DLX1: variants seen among roughly 807,000 people sequenced by gnomAD.
The protein encoded by DLX1 is homeobox protein DLX-1.
In DLX1, 7 loss-of-function variants were observed where a neutral mutation model predicts 25.0. The ratio of observed to expected loss-of-function variants is 0.28; its 90% CI spans 0.16 to 0.52. DLX1 has a LOEUF of 0.52. Among genes scored for constraint, DLX1 ranks in the 20% least tolerant of loss-of-function variants. The pLI is 0.96. For missense variants in DLX1, 233 were observed against 334.4 expected, an observed-to-expected ratio of 0.70 and a Z score of 2.37; for synonymous variants, 155 against 140.3, an observed-to-expected ratio of 1.10 and a Z score of -0.74.
chr2:172,087,194 T>G, intron 2 of DLX1: 1 of 509,186 alleles, frequency 2.0e-6, no homozygotes, highest in South Asian at 1.7e-5. Flanking sequence ...TAATCCCTCC[T>G]TTGCCTTTAA....
At position 172,089,396 on chromosome 2, in the gene DLX1, A is replaced by G. The variant is rs1207519882; in HGVS notation, c.*1139A>G. ...TATTATTGTTATTATTATTATTGTTATTATTGTTGTTCTGTAAACATGTTG... is the reference window on the plus strand; with the variant it reads ...TATTATTGTTATTATTATTATTGTTGTTATTGTTGTTCTGTAAACATGTTG... On this transcript the variant is annotated 3_prime_UTR_variant, in exon 3 of 3. Coordinates refer to ENST00000361725, the MANE Select transcript of DLX1 (RefSeq NM_178120.5). 2 of 152,532 alleles carry G rather than the reference A, an allele frequency of 1.3e-5. No homozygotes were observed. Among genetic ancestry groups the G allele is most frequent in the African/African-American group, 4.8e-5 (2 of 41,412 alleles). The allele number at this position is 152,532 out of a possible 1,614,324, so 9.4% of individuals were successfully genotyped here.
intron 2 of DLX1, chr2:172,087,179 G>T: frequency 1.8e-6 from 1 of 566,180 alleles, no homozygotes; most frequent in Non-Finnish European, 3.4e-6. Flanking sequence ...AATAGACTCC[G>T]GGCTTAATCC....
chr2:172,085,777 C>T lies in DLX1; in HGVS notation c.100C>T (p.Pro34Ser), dbSNP rs752675263. 1.5e-4 allele frequency: 245 copies of T among 1,614,092 alleles called. 2 individuals are homozygous for T. In the South Asian group the frequency reaches 2.6e-3, roughly 17 times the overall value. The change falls in exon 1 of 3, where the codon CCC becomes TCC. Residue 34 changes from proline (P) to serine (S), a missense_variant. Physicochemically the swap from Pro to Ser is moderately conservative, Grantham distance 74 (BLOSUM62 -1). This residue lies in a region of DLX1 where 126 missense variants were observed against 170.4 expected (regional missense o/e 0.74). Transcript: ENST00000361725. The surrounding 1 kb of genome is among the most constrained non-coding windows in gnomAD (Gnocchi z 4.3). ...GCCCAACCAGCAAATGTCTCCTTCTCCCATGTCCCACGGGCACTACTCCAT... is the reference window on the plus strand; with the variant it reads ...GCCCAACCAGCAAATGTCTCCTTCTTCCATGTCCCACGGGCACTACTCCAT... ...GPPNQQMSPS[P>S]MSHGHYSMHC...
chr2:172,088,304 C>T lies in DLX1; in HGVS notation c.*47C>T, dbSNP rs1690903167. The T allele has an allele frequency of 7.1e-7, 1 of 1,415,896 alleles. No homozygotes were observed. The highest frequency in any genetic ancestry group is 1.9e-4 in the Middle Eastern group (1 of 5,262). 87.7% of individuals were successfully genotyped at this position (1,415,896 alleles called of 1,614,324 possible). ...TTGTCTCCCCGGCCCAGGTCCCTCC[C>T]GCCTCCAGGTCCATCCATCCCGTCC... is the stretch of plus-strand genomic sequence containing the variant. On this transcript the variant is annotated 3_prime_UTR_variant, in exon 3 of 3. Coordinates refer to ENST00000361725, the MANE Select transcript of DLX1 (RefSeq NM_178120.5).
chr2:172,086,597 C>A, intron 1 of DLX1, 57 bp from the exon 2 acceptor site: 2 of 1,474,998 alleles, frequency 1.4e-6, no homozygotes, highest in Non-Finnish European at 1.8e-6. Flanking sequence ...CTCGGCTGTT[C>A]GCACTAAAGG....
Position 172,085,761 on chromosome 2 carries a change from G to A in DLX1, c.84G>A (p.Gln28=), listed in dbSNP as rs1332768409. The change falls in exon 1 of 3, where the codon CAG becomes CAA. Residue 28 remains glutamine, a synonymous_variant. Transcript: ENST00000361725. The surrounding 1 kb of genome is among the most constrained non-coding windows in gnomAD (Gnocchi z 4.3). ...TTATGGAGTTTGGGCCGCCCAACCA[G>A]CAAATGTCTCCTTCTCCCATGTCCC... ...AVFMEFGPPN[Q]QMSPSPMSHG... The A allele has an allele frequency of 1.9e-6, 3 of 1,614,032 alleles. No homozygotes were observed. Among genetic ancestry groups the A allele is most frequent in the South Asian group, 2.2e-5 (2 of 91,090 alleles).
chr2:172,086,564 C>T (rs1690842479), intron 1 of DLX1, 90 bp from the exon 2 acceptor site: 2 of 1,301,702 alleles, frequency 1.5e-6, no homozygotes, highest in South Asian at 2.9e-5. Context: ...GCTGCCTCCG[C>T]CACCCTTCGG....
At chr2:172,086,591 G>A in intron 1 of DLX1, 63 bp from the exon 2 acceptor site, 1 of 1,460,658 alleles carries the variant, frequency 6.8e-7, no homozygotes, top group Non-Finnish European at 9.2e-7. Context: ...CTCGCTCTCG[G>A]CTGTTCGCAC....
chr2:172,085,620 G>T lies in DLX1; in HGVS notation c.-58G>T. ...TCCTTCCTGTCCTGAGAAACATAGA[G>T]ACCCCCAAAAGGGAAGCAGAGGAGA... On this transcript the variant is annotated 5_prime_UTR_variant, in exon 1 of 3. Transcript: ENST00000361725. The surrounding 1 kb of genome is among the most constrained non-coding windows in gnomAD (Gnocchi z 4.3). 6.5e-7 allele frequency: 1 copy of T among 1,538,724 alleles called. No individual in the cohort carries two copies. Among genetic ancestry groups the T allele is most frequent in the South Asian group, 1.3e-5 (1 of 79,580 alleles).
At position 172,089,463 on chromosome 2, in the gene DLX1, A is replaced by AAACC. The variant is rs1454473976; in HGVS notation, c.*1207_*1210dup. 1.3e-5 allele frequency: 2 copies of AAACC among 152,632 alleles called. No homozygotes were observed. The highest frequency in any genetic ancestry group is 6.5e-5 in the Admixed American group (1 of 15,276). The allele number at this position is 152,632 out of a possible 1,614,324, so 9.5% of individuals were successfully genotyped here. On this transcript the variant is annotated 3_prime_UTR_variant, in exon 3 of 3. Coordinates refer to ENST00000361725, the MANE Select transcript of DLX1 (RefSeq NM_178120.5). Reference sequence around the variant, plus strand: ...TTGCGTTCTGTTGTGTGTGGCTGTAAAACCCCATGCTTTGTGAAATGAGAA... The same window carrying AAACC: ...TTGCGTTCTGTTGTGTGTGGCTGTAAAACCAACCCCATGCTTTGTGAAATGAGAA...
At chr2:172,086,053 CG>C in intron 1 of DLX1, 63 bp downstream of exon 1, 1 of 1,109,720 alleles carries the variant, frequency 9.0e-7, no homozygotes. Flanking sequence ...AAAGAAGGAG[CG>C]GGGGAGAAGA....
In DLX1 at chr2:172,086,869, C is replaced by T; in HGVS notation, c.513+16C>T. ...ACAGACTCAGGTACCTCGCCGCTGC[C>T]GCTCCGTTCTGCCACGCAGGCTTTC... On this transcript the variant is annotated intron_variant, in intron 2 of 2. Coordinates refer to ENST00000361725, the MANE Select transcript of DLX1 (RefSeq NM_178120.5). 6.2e-7 allele frequency: 1 copy of T among 1,614,066 alleles called. No homozygotes were observed. Among genetic ancestry groups the T allele is most frequent in the Non-Finnish European group, 8.5e-7 (1 of 1,179,910 alleles).
chr2:172,085,767 G>A lies in DLX1; in HGVS notation c.90G>A (p.Met30Ile), dbSNP rs1270557986. 1.9e-6 allele frequency: 3 copies of A among 1,614,076 alleles called. No homozygotes were observed. The highest frequency in any genetic ancestry group is 2.5e-6 in the Non-Finnish European group (3 of 1,180,054). Reference sequence around the variant, plus strand: ...AGTTTGGGCCGCCCAACCAGCAAATGTCTCCTTCTCCCATGTCCCACGGGC... The same window carrying A: ...AGTTTGGGCCGCCCAACCAGCAAATATCTCCTTCTCCCATGTCCCACGGGC... ...FMEFGPPNQQ[M>I]SPSPMSHGHY... Residue 30 changes from methionine (M) to isoleucine (I), a missense_variant, in exon 1 of 3, where the codon ATG becomes ATA. Met to Ile is a conservative substitution (Grantham distance 10, BLOSUM62 1). Around this residue, in one of 3 missense-constraint regions of DLX1, gnomAD observed 126 missense variants for 170.4 expected, o/e 0.74. Transcript: ENST00000361725. This position sits in a 1 kb window ranked among gnomAD's most constrained non-coding sequence, Gnocchi z 4.3.
chr2:172,086,924 T>G (rs763640075), intron 2 of DLX1, 71 bp downstream of exon 2: 1 of 1,507,830 alleles, frequency 6.6e-7, no homozygotes, highest in Admixed American at 1.7e-5. Flanking sequence ...GGTCTTCATT[T>G]GTTGCTCGCT....
Position 172,088,044 on chromosome 2 carries a change from G to A in DLX1, c.555G>A (p.Lys185=). The part of the protein sequence containing the change: ...WFQNKRSKFK[K]LMKQGGAALE... ...AAAACAAGCGATCCAAGTTCAAGAA[G>A]CTGATGAAGCAGGGTGGGGCGGCTC... Residue 185 remains lysine (K), a synonymous_variant, in exon 3 of 3, where the codon AAG becomes AAA. Coordinates refer to ENST00000361725, the MANE Select transcript of DLX1 (RefSeq NM_178120.5). The A allele has an allele frequency of 1.3e-6, 2 of 1,529,548 alleles. No individual in the cohort carries two copies. The highest frequency in any genetic ancestry group is 1.8e-6 in the Non-Finnish European group (2 of 1,139,382). 94.7% of individuals were successfully genotyped at this position (1,529,548 alleles called of 1,614,324 possible). A position where few individuals can be genotyped will look rare whatever the true frequency, so the allele number is the denominator to read the frequency against.
intron 2 of DLX1, chr2:172,087,599 A>C (rs747303397): frequency 1.1e-5 from 5 of 473,870 alleles, no homozygotes; most frequent in Admixed American, 7.0e-5. Context: ...AATTTCCTCC[A>C]CTCCTTCCTA....
chr2:172,087,730 G>T lies in DLX1; in HGVS notation c.514-273G>T, dbSNP rs535313861. ...TGAGCCCCTGGCAGGCTAAGGCCTGGATCCCGGTTCTCCCCTCATCACAAC... is the reference window on the plus strand; with the variant it reads ...TGAGCCCCTGGCAGGCTAAGGCCTGTATCCCGGTTCTCCCCTCATCACAAC... On this transcript the variant is annotated intron_variant, in intron 2 of 2. Transcript: ENST00000361725. 6.6e-5 allele frequency among the ~76,000 whole-genome samples: 10 copies of T among 152,168 alleles called. No homozygotes were observed. In the East Asian group the frequency reaches 1.9e-3, roughly 30 times the overall value.
chr2:172,087,190 C>A lies in DLX1; in HGVS notation c.513+337C>A, dbSNP rs553978863. ...GAACAATAGACTCCGGGCTTAATCC[C>A]TCCTTTGCCTTTAAATTGTGTGACT... On this transcript the variant is annotated intron_variant, in intron 2 of 2. Coordinates refer to ENST00000361725, the MANE Select transcript of DLX1 (RefSeq NM_178120.5). The A allele has an allele frequency of 7.5e-4, 394 of 522,442 alleles. 1 individual carries two copies. Among genetic ancestry groups the A allele is most frequent in the African/African-American group, 6.9e-3 (362 of 52,472 alleles). 32.4% of individuals were successfully genotyped at this position (522,442 alleles called of 1,614,324 possible). A position where few individuals can be genotyped will look rare whatever the true frequency, so the allele number is the denominator to read the frequency against.
intron 1 of DLX1, 120 bp from the exon 2 acceptor site, chr2:172,086,534 T>C: frequency 9.8e-7 from 1 of 1,015,752 alleles, no homozygotes; most frequent in Non-Finnish European, 1.4e-6. Context: ...TCAGAGTTTC[T>C]TGAACGTTCT....
Sources: allele counts gnomAD v4.1 joint callset (sites outside exome capture counted in the v4.1 genomes callset), GRCh38; gene constraint gnomAD v4.1.1; regional missense constraint gnomAD v4.1.1; non-coding constraint Gnocchi (gnomAD v3.1); transcripts MANE v1.5; gene names NCBI Gene and HGNC (gene_info 2026-07-23, HGNC 2026-07-21).